The following IL1RL2 variants were observed in gnomAD, a reference collection of about 807,000 sequenced individuals.
The protein encoded by IL1RL2 is interleukin-1 receptor-like 2.
In IL1RL2, 68 loss-of-function variants were observed where a neutral mutation model predicts 66.8. That is an observed-to-expected ratio of 1.02 (90% CI 0.84 to 1.25). The LOEUF is 1.25. Ranked by LOEUF, IL1RL2 falls within the 50% of genes most tolerant of loss-of-function variation. The pLI, the probability that IL1RL2 is intolerant of heterozygous loss-of-function variation, is 0.00. For synonymous variants in IL1RL2, 305 were observed against 264.6 expected, an observed-to-expected ratio of 1.15 and a Z score of -1.48; for missense variants, 729 against 709.3, an observed-to-expected ratio of 1.03 and a Z score of -0.32.
chr2:102,189,226 A>G lies in IL1RL2; in HGVS notation c.209A>G (p.Gln70Arg). Residue 70 changes from glutamine to arginine, a missense_variant, in exon 3 of 12, where the codon CAG becomes CGG. By Grantham distance (43) the Gln-to-Arg change is conservative. Transcript: ENST00000264257. ...AAAATCCCAGTGTCCAAAATCATAC[A>G]GTCTAGAATTCACCAGGACGAGACT... Reference protein sequence around the residue: ...SSKIPVSKIIQSRIHQDETWI... With the variant: ...SSKIPVSKIIRSRIHQDETWI... The G allele has an allele frequency of 6.2e-7, 1 of 1,614,142 alleles. No homozygotes were observed. The highest frequency in any genetic ancestry group is 8.5e-7 in the Non-Finnish European group (1 of 1,180,012).
At chr2:102,205,123 G>A (rs1688597785) in intron 5 of IL1RL2, among the ~76,000 whole-genome samples, 1 of 151,928 alleles carries the variant, frequency 6.6e-6, no homozygotes, top group Non-Finnish European at 1.5e-5. Context: ...AAACAAACAA[G>A]CAAAAAGAAA....
chr2:102,215,315 G>T (rs1455630888), intron 6 of IL1RL2, among the ~76,000 whole-genome samples: 1 of 152,068 alleles, frequency 6.6e-6, no homozygotes, highest in Non-Finnish European at 1.5e-5. Flanking sequence ...TGTTCTGGGG[G>T]CCAGTAGCCA....
chr2:102,206,121 A>T (rs1688678730), intron 5 of IL1RL2, among the ~76,000 whole-genome samples: 1 of 152,088 alleles, frequency 6.6e-6, no homozygotes, highest in South Asian at 2.1e-4. Flanking sequence ...TGTTAAATTT[A>T]TCTGATAGAA....
chr2:102,199,113 G>A (rs1688022903), intron 4 of IL1RL2, among the ~76,000 whole-genome samples: 1 of 152,170 alleles, frequency 6.6e-6, no homozygotes, highest in African/African-American at 2.4e-5. Context: ...GACTGGAACT[G>A]CTTAAAATAA....
At position 102,235,141 on chromosome 2, in the gene IL1RL2, T is replaced by G. The variant is rs1674750507; in HGVS notation, c.1542T>G (p.His514Gln). 6.2e-7 allele frequency: 1 copy of G among 1,614,180 alleles called. No homozygotes were observed. Among genetic ancestry groups the G allele is most frequent in the Non-Finnish European group, 8.5e-7 (1 of 1,180,028 alleles). Residue 514 changes from histidine to glutamine, a missense_variant, in exon 11 of 12, where the codon CAT (histidine) becomes CAG (glutamine). By Grantham distance (24) the His-to-Gln change is conservative (BLOSUM62 0). Coordinates refer to ENST00000264257, the MANE Select transcript of IL1RL2 (RefSeq NM_003854.4). ...AGAAGCATGGTGCCATCCGGTGGCA[T>G]GGGGACTTCACGGAGCAGTCACAGT... Reference protein sequence around the residue: ...IKQKHGAIRWHGDFTEQSQCM... With the variant: ...IKQKHGAIRWQGDFTEQSQCM...
intron 8 of IL1RL2, among the ~76,000 whole-genome samples, chr2:102,224,727 T>C (rs1221200884): frequency 1.3e-5 from 2 of 152,166 alleles, no homozygotes; most frequent in Non-Finnish European, 2.9e-5. Context: ...AGGAATGAAT[T>C]TGGAATATTC....
At chr2:102,207,031 G>T (rs151072623) in intron 5 of IL1RL2, among the ~76,000 whole-genome samples, 1 of 152,282 alleles carries the variant, frequency 6.6e-6, no homozygotes, top group African/African-American at 2.4e-5. Context: ...CAGTGCCACA[G>T]CCGGCCACAA....
At chr2:102,204,226 C>A (rs540948759) in intron 5 of IL1RL2, among the ~76,000 whole-genome samples, 1 of 152,122 alleles carries the variant, frequency 6.6e-6, no homozygotes, top group East Asian at 1.9e-4. Context: ...TAGTTTTATT[C>A]CATTGTGGTC....
intron 9 of IL1RL2, among the ~76,000 whole-genome samples, chr2:102,230,495 A>T (rs1285343310): frequency 1.3e-5 from 2 of 152,210 alleles, no homozygotes; most frequent in Non-Finnish European, 1.5e-5. Context: ...TCTCAGATTC[A>T]TCCCCAACAT....
chr2:102,234,958 C>T lies in IL1RL2; in HGVS notation c.1359C>T (p.Val453=), dbSNP rs775951705. The T allele has an allele frequency of 2.4e-5, 39 of 1,613,986 alleles. No homozygotes were observed. The South Asian group carries it at 4.1e-4, about 17-fold the overall frequency. The stretch of plus-strand genomic sequence containing the variant: ...GCAGGAGGCTGATTGTCATTGTGGT[C>T]CCCGAATCGCTGGGCTTTGGCCTGT... ...KLCRRLIVIV[V]PESLGFGLLK... is the part of the protein sequence containing the mutation. The change falls in exon 11 of 12, where the codon GTC becomes GTT. Residue 453 remains valine (V), a synonymous_variant. Transcript: ENST00000264257.
At chr2:102,209,798 A>C (rs1343440474) in intron 5 of IL1RL2, among the ~76,000 whole-genome samples, 1 of 152,176 alleles carries the variant, frequency 6.6e-6, no homozygotes, top group Non-Finnish European at 1.5e-5. Flanking sequence ...GGCTGATAAA[A>C]TATCCAAAAG....
intron 3 of IL1RL2, 47 bp downstream of exon 3, chr2:102,189,357 A>C (rs761128594): frequency 2.6e-6 from 3 of 1,167,642 alleles, no homozygotes; most frequent in Admixed American, 2.5e-5. Flanking sequence ...TGTATGTATA[A>C]ATTATTTTAG....
At position 102,239,510 on chromosome 2, in the gene IL1RL2, G is replaced by T; in HGVS notation, c.*269G>T. On this transcript the variant is annotated 3_prime_UTR_variant, in exon 12 of 12. Transcript: ENST00000264257. ...CATGGAGGGTGAGGGCTGGTCGGGG[G>T]AGGCATCCCCAAGTCATGGTGGGTG... 2.5e-6 allele frequency: 1 copy of T among 394,850 alleles called. No individual in the cohort carries two copies. Among genetic ancestry groups the T allele is most frequent in the Non-Finnish European group, 4.8e-6 (1 of 206,516 alleles). 24.5% of individuals were successfully genotyped at this position (394,850 alleles called of 1,614,324 possible).
chr2:102,217,433 T>C lies in IL1RL2; in HGVS notation c.725-1520T>C, dbSNP rs571404473. 1.8e-4 allele frequency among the ~76,000 whole-genome samples: 28 copies of C among 152,140 alleles called. No individual in the cohort carries two copies. In the South Asian group the frequency reaches 5.2e-3, roughly 28 times the overall value. ...CAGTCCTAAAATTTGTATAGGACCA[T>C]AAAACACCCTGAATAGCCAAAGCAA... On this transcript the variant is annotated intron_variant, in intron 6 of 11. Transcript: ENST00000264257.
intron 9 of IL1RL2, among the ~76,000 whole-genome samples, chr2:102,230,146 C>A (rs1203526607): frequency 6.6e-6 from 1 of 152,152 alleles, no homozygotes. Flanking sequence ...TCAACTCACC[C>A]AGCCCTTCAT....
intron 9 of IL1RL2, among the ~76,000 whole-genome samples, chr2:102,230,078 A>C (rs1293465072): frequency 1.3e-5 from 2 of 152,206 alleles, no homozygotes; most frequent in Admixed American, 6.5e-5. Flanking sequence ...TGTAGTTTAG[A>C]ATAGACCAGG....
chr2:102,193,001 A>T (rs1687364627), intron 4 of IL1RL2, among the ~76,000 whole-genome samples: 1 of 152,196 alleles, frequency 6.6e-6, no homozygotes, highest in South Asian at 2.1e-4. Context: ...AGACATCAAA[A>T]CCTTCAAAGT....
chr2:102,224,418 C>A (rs1197028447), intron 8 of IL1RL2, among the ~76,000 whole-genome samples: 1 of 152,114 alleles, frequency 6.6e-6, no homozygotes, highest in East Asian at 1.9e-4. Context: ...TCATTTGCAG[C>A]AAAGTGGATG....
intron 1 of IL1RL2, 40 bp downstream of exon 1, chr2:102,187,126 G>A: frequency 7.8e-7 from 1 of 1,286,992 alleles, no homozygotes; most frequent in Non-Finnish European, 1.0e-6. Flanking sequence ...CCAGGCATGG[G>A]TGGGGCCCTG....
Sources: gnomAD v4.1 joint callset for allele counts (sites outside exome capture counted in the v4.1 genomes callset) on GRCh38, gnomAD v4.1.1 for gene constraint, MANE v1.5 for transcripts, NCBI Gene and HGNC (gene_info 2026-07-23, HGNC 2026-07-21) for gene names.